Variants in KCNMA1 observed in about 807,000 individuals in gnomAD.
The protein encoded by KCNMA1 is potassium calcium-activated channel subfamily M alpha 1, also known as Calcium-activated potassium channel subunit alpha-1.
Under a neutral mutation model 140.0 loss-of-function variants are expected in KCNMA1, and 29 were observed. The observed-to-expected ratio is 0.21, with a 90% CI of 0.15 to 0.28. KCNMA1 has a LOEUF of 0.28. Among genes scored for constraint, KCNMA1 ranks in the 10% least tolerant of loss-of-function variants. The pLI is 1.00. For missense variants in KCNMA1, 880 were observed against 1,602.2 expected (o/e 0.55, Z 7.70); for synonymous variants, 612 against 611.9 (o/e 1.00, Z 0.00).
chr10:76,921,669 T>C (rs1279133885), intron 23 of KCNMA1, among the ~76,000 whole-genome samples: 2 of 152,226 alleles, frequency 1.3e-5, no homozygotes, highest in Non-Finnish European at 2.9e-5. Flanking sequence ...TTTTGCAGTA[T>C]GTATTCCAAC....
intron 2 of KCNMA1, among the ~76,000 whole-genome samples, chr10:77,352,994 A>T (rs1200848226): frequency 6.6e-6 from 1 of 152,248 alleles, no homozygotes; most frequent in Non-Finnish European, 1.5e-5. Context: ...CGTCCATGGA[A>T]GACAATCCCC....
intron 2 of KCNMA1, among the ~76,000 whole-genome samples, chr10:77,328,909 C>T (rs1433720904): frequency 6.6e-6 from 1 of 152,120 alleles, no homozygotes; most frequent in South Asian, 2.1e-4. Flanking sequence ...GGCATGATCT[C>T]GGCTCACTGC....
At chr10:77,623,634 CA>C (rs1171097340) in intron 1 of KCNMA1, among the ~76,000 whole-genome samples, 4 of 150,150 alleles carry the variant, frequency 2.7e-5, no homozygotes, top group African/African-American at 9.8e-5. Context: ...ACCCAGGAGA[CA>C]AAGGTTGAGG....
In KCNMA1 at chr10:77,079,462, C is replaced by T. The variant is rs770715910; in HGVS notation, c.1593+19G>A. ...TGTGGATGGGTCTTCAGACCTGGAG[C>T]GGGCTCTCGCACTCCTACCTTGTTG... On this transcript the variant is annotated intron_variant, in intron 13 of 27. Transcript: ENST00000286628. 33 of 1,562,158 alleles carry T rather than the reference C, an allele frequency of 2.1e-5. No homozygotes were observed. In the Admixed American group the frequency reaches 2.7e-4, roughly 13 times the overall value.
chr10:77,593,088 C>G (rs1395148667), intron 1 of KCNMA1, among the ~76,000 whole-genome samples: 6 of 152,156 alleles, frequency 3.9e-5, no homozygotes, highest in African/African-American at 1.4e-4. Flanking sequence ...CCACATGCGC[C>G]CAGAACCTTG....
At chr10:76,917,726 T>C (rs772167578) in intron 23 of KCNMA1, among the ~76,000 whole-genome samples, 1 of 152,218 alleles carries the variant, frequency 6.6e-6, no homozygotes, top group Non-Finnish European at 1.5e-5. Flanking sequence ...TTTCCCTACT[T>C]TTCTAGTCAC....
At chr10:77,097,725 C>T (rs1254357566) in intron 9 of KCNMA1, among the ~76,000 whole-genome samples, 1 of 152,184 alleles carries the variant, frequency 6.6e-6, no homozygotes, top group African/African-American at 2.4e-5. Context: ...AAAGGAGGTT[C>T]AGCAATAAGA....
intron 23 of KCNMA1, among the ~76,000 whole-genome samples, chr10:76,941,053 G>A (rs896079306): frequency 3.6e-5 from 2 of 55,156 alleles, no homozygotes; most frequent in Non-Finnish European, 6.6e-5. Context: ...AAGAAAGAAA[G>A]AGAAAGAAAG....
At chr10:77,538,012 T>C (rs2059302092) in intron 1 of KCNMA1, among the ~76,000 whole-genome samples, 1 of 151,398 alleles carries the variant, frequency 6.6e-6, no homozygotes. Context: ...CTCACATTCG[T>C]ATACTCTACA....
intron 5 of KCNMA1, among the ~76,000 whole-genome samples, chr10:77,151,576 T>C (rs2098419275): frequency 6.6e-6 from 1 of 152,130 alleles, no homozygotes; most frequent in Non-Finnish European, 1.5e-5. Flanking sequence ...CAAATGCTAG[T>C]GTACACAGAA....
intron 5 of KCNMA1, among the ~76,000 whole-genome samples, chr10:77,136,802 C>A (rs958111176): frequency 7.2e-5 from 11 of 151,890 alleles, no homozygotes; most frequent in Non-Finnish European, 1.2e-4. Flanking sequence ...TATTTTTATG[C>A]ATAATTACTT....
chr10:76,879,663 G>A (rs2033782817), intron 29 of KCNMA1, among the ~76,000 whole-genome samples: 1 of 151,870 alleles, frequency 6.6e-6, no homozygotes, highest in Admixed American at 6.5e-5. Context: ...TAGAGGCAAG[G>A]TTCCTGATGG....
At chr10:77,471,880 C>T (rs1405961926) in intron 1 of KCNMA1, among the ~76,000 whole-genome samples, 1 of 151,620 alleles carries the variant, frequency 6.6e-6, no homozygotes. Context: ...TATATACACA[C>T]ACATAAACAT....
intron 1 of KCNMA1, among the ~76,000 whole-genome samples, chr10:77,426,996 G>A (rs1033378067): frequency 6.6e-6 from 1 of 152,338 alleles, no homozygotes; most frequent in Admixed American, 6.5e-5. Context: ...TTGATATCCT[G>A]TATTTTTTAA....
At chr10:77,373,386 T>A (rs1410176940) in intron 2 of KCNMA1, among the ~76,000 whole-genome samples, 1 of 152,216 alleles carries the variant, frequency 6.6e-6, no homozygotes, top group African/African-American at 2.4e-5. Flanking sequence ...TAGGTCTGCA[T>A]GGGAAATTAC....
At chr10:77,556,752 A>T (rs1278606776) in intron 1 of KCNMA1, among the ~76,000 whole-genome samples, 1 of 152,128 alleles carries the variant, frequency 6.6e-6, no homozygotes, top group Non-Finnish European at 1.5e-5. Flanking sequence ...GCCCAACTCC[A>T]GGGAACCATC....
chr10:77,162,712 A>G (rs1457809973), intron 5 of KCNMA1, among the ~76,000 whole-genome samples: 1 of 152,232 alleles, frequency 6.6e-6, no homozygotes, highest in East Asian at 1.9e-4. Context: ...AGAAAGTGTT[A>G]AAGCATTAGA....
At chr10:77,171,751 C>A (rs1365760435) in intron 5 of KCNMA1, among the ~76,000 whole-genome samples, 1 of 152,122 alleles carries the variant, frequency 6.6e-6, no homozygotes, top group Non-Finnish European at 1.5e-5. Flanking sequence ...GGGTTGAACT[C>A]CAACATTTTT....
Position 77,218,492 on chromosome 10 carries a change from A to G in KCNMA1, c.602+32703T>C, listed in dbSNP as rs568264000. Among the ~76,000 whole-genome samples, 15 of 152,190 alleles carry G rather than the reference A, an allele frequency of 9.9e-5. No individual in the cohort carries two copies. The South Asian group carries it at 2.9e-3, about 29-fold the overall frequency. The stretch of plus-strand genomic sequence containing the variant: ...GTCTCCTGGTCCCCACTACTTCTTA[A>G]GCCTTGCATCCAGCCTGGCTCCTGC... On this transcript the variant is annotated intron_variant, in intron 3 of 27. Coordinates refer to ENST00000286628, the MANE Select transcript of KCNMA1 (RefSeq NM_001161352.2).
Sources: gnomAD v4.1 joint callset for allele counts (sites outside exome capture counted in the v4.1 genomes callset) on GRCh38, gnomAD v4.1.1 for gene constraint, MANE v1.5 for transcripts, NCBI Gene and HGNC (gene_info 2026-07-23, HGNC 2026-07-21) for gene names.